The following ZNF76 variants were observed in gnomAD, a reference collection of about 807,000 sequenced individuals.
ZNF76 encodes the protein zinc finger protein 523.
A neutral mutation model predicts 66.9 loss-of-function variants in ZNF76; 66 were observed. The ratio of observed to expected loss-of-function variants is 0.99; its 90% CI spans 0.81 to 1.21. The LOEUF is 1.21. Ranked by LOEUF, ZNF76 falls within the 50% of genes most tolerant of loss-of-function variation. The pLI is 0.00. For synonymous variants in ZNF76, 275 were observed against 296.1 expected (o/e 0.93, Z 0.73); for missense variants, 729 against 760.3 (o/e 0.96, Z 0.48).
intron 1 of ZNF76, among the ~76,000 whole-genome samples, chr6:35,273,159 AAAAAAACAAAAAAC>A (rs554465104): frequency 7.8e-4 from 118 of 151,502 alleles, no homozygotes; most frequent in African/African-American, 2.5e-3. Context: ...CTGTCTCAGA[AAAAAAACAAAAAAC>A]AAAAAACAAA....
intron 9 of ZNF76, 145 bp downstream of exon 9, chr6:35,291,882 C>T (rs1790451233): frequency 1.2e-6 from 1 of 866,512 alleles, no homozygotes; most frequent in Non-Finnish European, 1.8e-6. Context: ...TAGGGTATCC[C>T]CAGAACAACT....
In ZNF76 at chr6:35,292,922, CG is replaced by C; in HGVS notation, c.1209del (p.Ile404Ter). 7 of 1,614,208 alleles carry C rather than the reference CG, an allele frequency of 4.3e-6. No homozygotes were observed. The highest frequency in any genetic ancestry group is 5.9e-6 in the Non-Finnish European group (7 of 1,180,040). On this transcript the variant is annotated frameshift_variant, in exon 11 of 14. Transcript: ENST00000373953. LOFTEE classifies it high-confidence loss of function. The surrounding 1 kb of genome is among the most constrained non-coding windows in gnomAD (Gnocchi z 4.7). ...AEESPPPKRPRIAYLSEVKEE... is the reference protein window; with the variant it reads ...AEESPPPKRPXIAYLSEVKEE... ...GGAGAGTCCGCCACCCAAACGACCC[CG>C]GATAGCTTACCTTTCGGAGGTGAAG...
chr6:35,285,941 C>T (rs1410978215), intron 2 of ZNF76, among the ~76,000 whole-genome samples, 187 bp from the exon 3 acceptor site: 2 of 152,138 alleles, frequency 1.3e-5, no homozygotes, highest in African/African-American at 4.8e-5. Flanking sequence ...AGGCAAGTGT[C>T]TTCACCCTTA....
chr6:35,262,308 T>G (rs1785370866), intron 1 of ZNF76, among the ~76,000 whole-genome samples: 1 of 152,160 alleles, frequency 6.6e-6, no homozygotes, highest in African/African-American at 2.4e-5. Context: ...AAATCCTTCC[T>G]AGGTTTTGTG....
chr6:35,283,337 C>T (rs890510321), intron 2 of ZNF76, among the ~76,000 whole-genome samples: 1 of 152,218 alleles, frequency 6.6e-6, no homozygotes, highest in Admixed American at 6.5e-5. Context: ...CAGAACCACA[C>T]TTTCCTGAAA....
chr6:35,260,703 T>G (rs1255655836), intron 1 of ZNF76, among the ~76,000 whole-genome samples: 1 of 152,164 alleles, frequency 6.6e-6, no homozygotes, highest in African/African-American at 2.4e-5. Flanking sequence ...AGAAGTCCCC[T>G]CCTCAGTCTG....
At chr6:35,277,387 T>A (rs1435139401) in intron 1 of ZNF76, among the ~76,000 whole-genome samples, 1 of 152,202 alleles carries the variant, frequency 6.6e-6, no homozygotes, top group Non-Finnish European at 1.5e-5. Flanking sequence ...GCCTTGGATT[T>A]CCCTCTCTCC....
intron 2 of ZNF76, among the ~76,000 whole-genome samples, chr6:35,285,434 A>C (rs1789422926): frequency 6.6e-6 from 1 of 152,256 alleles, no homozygotes; most frequent in Non-Finnish European, 1.5e-5. Context: ...GACCATATAT[A>C]CCTGGCACTC....
chr6:35,276,906 C>T (rs1480577129), intron 1 of ZNF76, among the ~76,000 whole-genome samples: 3 of 149,728 alleles, frequency 2.0e-5, no homozygotes, highest in African/African-American at 4.9e-5. Context: ...AAGCAATTCT[C>T]CTGCCTCAGC....
intron 2 of ZNF76, among the ~76,000 whole-genome samples, chr6:35,284,106 T>G (rs1375570301): frequency 6.6e-6 from 1 of 152,192 alleles, no homozygotes; most frequent in Non-Finnish European, 1.5e-5. Context: ...TCCTTTTTTT[T>G]TTTGAGACGG....
At chr6:35,278,190 C>T (rs921445045) in intron 1 of ZNF76, among the ~76,000 whole-genome samples, 4 of 151,378 alleles carry the variant, frequency 2.6e-5, no homozygotes, top group Non-Finnish European at 4.4e-5. Flanking sequence ...TTTTTTGAGA[C>T]GGAGTTTCGC....
At chr6:35,290,554 G>A (rs1790232320) in intron 6 of ZNF76, 87 bp from the exon 7 acceptor site, 1 of 1,544,344 alleles carries the variant, frequency 6.5e-7, no homozygotes, top group Non-Finnish European at 8.9e-7. Context: ...TGGTACAGGA[G>A]GGAAGAGAAT....
chr6:35,292,954 G>A lies in ZNF76; in HGVS notation c.1239G>A (p.Glu413=). ...CTTACCTTTCGGAGGTGAAGGAAGA[G>A]AGAGATGACATCCCAGCCCAGGTGG... ...RIAYLSEVKE[E]RDDIPAQVAM... Residue 413 remains glutamate (E), a synonymous_variant, in exon 11 of 14, where the codon GAG becomes GAA. Transcript: ENST00000373953. This position sits in a 1 kb window ranked among gnomAD's most constrained non-coding sequence, Gnocchi z 4.7. 6.2e-7 allele frequency: 1 copy of A among 1,614,252 alleles called. No individual in the cohort carries two copies.
chr6:35,275,728 T>C (rs1044519564), intron 1 of ZNF76, among the ~76,000 whole-genome samples: 2 of 152,200 alleles, frequency 1.3e-5, no homozygotes, highest in African/African-American at 4.8e-5. Flanking sequence ...GAGTTGAGGT[T>C]ATTTAGCCTG....
At chr6:35,267,043 C>T (rs1786248914) in intron 1 of ZNF76, among the ~76,000 whole-genome samples, 1 of 152,000 alleles carries the variant, frequency 6.6e-6, no homozygotes, top group Non-Finnish European at 1.5e-5. Flanking sequence ...TTGTGATCCG[C>T]CCGCCTTGGC....
At chr6:35,278,244 C>T (rs913856185) in intron 1 of ZNF76, among the ~76,000 whole-genome samples, 2 of 152,126 alleles carry the variant, frequency 1.3e-5, no homozygotes, top group African/African-American at 4.8e-5. Context: ...TCTCGGCTCA[C>T]CGCAACCTCT....
chr6:35,282,308 A>G (rs1788886309), intron 2 of ZNF76, among the ~76,000 whole-genome samples: 2 of 152,084 alleles, frequency 1.3e-5, no homozygotes, highest in Admixed American at 1.3e-4. Context: ...CCCATCTAAA[A>G]AAAAAGTAGG....
At chr6:35,259,894 CG>C (rs1190533915) in intron 1 of ZNF76, 53 bp downstream of exon 1, 1 of 152,212 alleles carries the variant, frequency 6.6e-6, no homozygotes, top group Non-Finnish European at 1.5e-5. Context: ...GGAGGCCGGG[CG>C]GGCGCAGGAC....
chr6:35,264,539 C>T (rs1370678289), intron 1 of ZNF76, among the ~76,000 whole-genome samples: 1 of 152,120 alleles, frequency 6.6e-6, no homozygotes, highest in Non-Finnish European at 1.5e-5. Flanking sequence ...TCAAGAGGTT[C>T]ATTATACCAT....
Sources: allele counts gnomAD v4.1 joint callset (sites outside exome capture counted in the v4.1 genomes callset), GRCh38; gene constraint gnomAD v4.1.1; non-coding constraint Gnocchi (gnomAD v3.1); transcripts MANE v1.5; gene names NCBI Gene and HGNC (gene_info 2026-07-23, HGNC 2026-07-21).